Variants in MRPL33 observed in about 807,000 individuals in gnomAD.
MRPL33 encodes the protein mitochondrial ribosomal protein L33.
Under a neutral mutation model 10.1 loss-of-function variants are expected in MRPL33, and 5 were observed. The observed-to-expected ratio is 0.49, with a 90% CI of 0.26 to 1.04. MRPL33 has a LOEUF of 1.04. Among genes scored for constraint, MRPL33 ranks in the 50% least tolerant of loss-of-function variants. The probability of loss-of-function intolerance (pLI) is 0.14; values close to 1 mark genes in which losing one functional copy is unlikely to be tolerated. For synonymous variants in MRPL33, 24 were observed against 27.7 expected, an observed-to-expected ratio of 0.87 and a Z score of 0.42; for missense variants, 79 against 78.1, an observed-to-expected ratio of 1.01 and a Z score of -0.04.
chr2:27,774,624 C>A, intron 3 of MRPL33, 94 bp downstream of exon 3: 1 of 877,442 alleles, frequency 1.1e-6, no homozygotes, highest in Non-Finnish European at 1.9e-6. Context: ...TAGCCTCTGA[C>A]ACTAGCATTC....
chr2:27,776,026 G>GA (rs1677143124), intron 3 of MRPL33, among the ~76,000 whole-genome samples: 1 of 152,178 alleles, frequency 6.6e-6, no homozygotes, highest in South Asian at 2.1e-4. Context: ...TTTTAAGTAT[G>GA]AAAAAATGTA....
chr2:27,774,178 T>C (rs527560105), intron 2 of MRPL33, among the ~76,000 whole-genome samples: 12 of 152,304 alleles, frequency 7.9e-5, no homozygotes, highest in Non-Finnish European at 1.8e-4. Context: ...GTGGCTTGAT[T>C]GTTCTTATTG....
At chr2:27,778,618 G>A (rs1677218868) in intron 3 of MRPL33, among the ~76,000 whole-genome samples, 1 of 151,750 alleles carries the variant, frequency 6.6e-6, no homozygotes, top group South Asian at 2.1e-4. Flanking sequence ...GCAATGGTGC[G>A]ATCTCGGCTC....
intron 2 of MRPL33, 190 bp downstream of exon 2, chr2:27,772,882 CTGAGCTACTTCTG>C: frequency 8.9e-6 from 5 of 564,166 alleles, no homozygotes; most frequent in Non-Finnish European, 1.6e-5. Context: ...TCCTGCTGAA[CTGAGCTACTTCTG>C]TGAGCATTGA....
At chr2:27,776,009 T>C (rs1677142735) in intron 3 of MRPL33, among the ~76,000 whole-genome samples, 1 of 152,238 alleles carries the variant, frequency 6.6e-6, no homozygotes. Context: ...AGTAACATTC[T>C]GTGATATTTT....
chr2:27,778,068 T>G (rs1231616523), intron 3 of MRPL33, among the ~76,000 whole-genome samples: 13 of 152,248 alleles, frequency 8.5e-5, no homozygotes. Context: ...TTATGTACAG[T>G]GTATTAATAT....
intron 3 of MRPL33, among the ~76,000 whole-genome samples, chr2:27,775,731 T>TA (rs1677138553): frequency 6.6e-6 from 1 of 152,220 alleles, no homozygotes; most frequent in Non-Finnish European, 1.5e-5. Context: ...GTTGTCAGCT[T>TA]AAAGTTTCTT....
At chr2:27,771,845 G>C (rs201618287) in intron 1 of MRPL33, 46 bp downstream of exon 1, 1 of 1,598,684 alleles carries the variant, frequency 6.3e-7, no homozygotes. Flanking sequence ...CGAGGGTTAG[G>C]GGGCCGTGAC....
At chr2:27,772,416 C>A in intron 1 of MRPL33, 2 of 400,120 alleles carry the variant, frequency 5.0e-6, no homozygotes, top group Admixed American at 4.3e-5. Flanking sequence ...AAAAGGTAGC[C>A]AGTCCAACAG....
At position 27,772,792 on chromosome 2, in the gene MRPL33, C is replaced by A. The variant is rs533263369; in HGVS notation, c.41+100C>A. ...TCCTTATATGAAATTAAGCATTGGG[C>A]CTTGATTTCCTAAGAGTTGGTTTGT... On this transcript the variant is annotated intron_variant, in intron 2 of 3. Coordinates refer to ENST00000296102, the MANE Select transcript of MRPL33 (RefSeq NM_004891.4). 1.6e-5 allele frequency: 14 copies of A among 901,920 alleles called. No individual in the cohort carries two copies. The South Asian group carries it at 1.9e-4, about 13-fold the overall frequency. The allele number at this position is 901,920 out of a possible 1,614,324, so 55.9% of individuals were successfully genotyped here.
intron 1 of MRPL33, 153 bp from the exon 2 acceptor site, chr2:27,772,517 TAATA>T (rs1677072968): frequency 1.7e-6 from 1 of 600,608 alleles, no homozygotes; most frequent in African/African-American, 1.9e-5. Flanking sequence ...AGGGGATCCC[TAATA>T]GATAGGGAAT....
At chr2:27,776,306 G>C (rs994458677) in intron 3 of MRPL33, among the ~76,000 whole-genome samples, 1 of 152,272 alleles carries the variant, frequency 6.6e-6, no homozygotes, top group Admixed American at 6.5e-5. Context: ...CCTGCTGAAT[G>C]CCCTGCACGT....
At chr2:27,772,787 T>A in intron 2 of MRPL33, 95 bp downstream of exon 2, 4 of 982,102 alleles carry the variant, frequency 4.1e-6, no homozygotes, top group Non-Finnish European at 6.1e-6. Context: ...AAATTAAGCA[T>A]TGGGCCTTGA....
intron 2 of MRPL33, 136 bp downstream of exon 2, chr2:27,772,828 G>A (rs2148172080): frequency 3.0e-6 from 2 of 667,720 alleles, no homozygotes; most frequent in South Asian, 4.2e-5. Flanking sequence ...GGATTACTTA[G>A]TTGATTATTT....
intron 3 of MRPL33, 132 bp downstream of exon 3, chr2:27,774,662 T>C (rs1358351654): frequency 5.9e-6 from 4 of 680,466 alleles, no homozygotes; most frequent in Admixed American, 4.9e-5. Flanking sequence ...TGAATGATTG[T>C]TATGATGCTA....
At chr2:27,775,351 T>TA (rs1677129257) in intron 3 of MRPL33, among the ~76,000 whole-genome samples, 1 of 16,136 alleles carries the variant, frequency 6.2e-5, no homozygotes, top group Non-Finnish European at 3.2e-4. Flanking sequence ...TTATAATTAA[T>TA]TTTTTTTTTT....
chr2:27,771,976 C>G (rs1362997084), intron 1 of MRPL33, 177 bp downstream of exon 1: 4 of 668,690 alleles, frequency 6.0e-6, no homozygotes, highest in Non-Finnish European at 5.0e-6. Context: ...CGCCTCCCTG[C>G]GCGGACCTGT....
intron 1 of MRPL33, chr2:27,772,180 G>C (rs1677062522): frequency 3.5e-6 from 1 of 288,704 alleles, no homozygotes; most frequent in Admixed American, 4.7e-5. Context: ...TGAATTGCCT[G>C]AGTAATGCGG....
chr2:27,771,939 C>A (rs1256484079), intron 1 of MRPL33, 140 bp downstream of exon 1: 1 of 887,620 alleles, frequency 1.1e-6, no homozygotes, highest in Non-Finnish European at 1.7e-6. Flanking sequence ...GCCTTCAGGA[C>A]CACAGCGTCC....
Sources: gnomAD v4.1 joint callset for allele counts (sites outside exome capture counted in the v4.1 genomes callset) on GRCh38, gnomAD v4.1.1 for gene constraint, MANE v1.5 for transcripts, NCBI Gene and HGNC (gene_info 2026-07-23, HGNC 2026-07-21) for gene names.